The following NUP160 variants were observed in gnomAD, a reference collection of about 807,000 sequenced individuals.
NUP160 encodes the protein nucleoporin 160, also known as nuclear pore complex protein Nup160.
In NUP160, 94 loss-of-function variants were observed where a neutral mutation model predicts 196.9. The ratio of observed to expected loss-of-function variants is 0.48; its 90% CI spans 0.40 to 0.57. NUP160 has a LOEUF of 0.57. Ranked by LOEUF, NUP160 falls within the 20% of genes least tolerant of loss-of-function variation. The probability of loss-of-function intolerance (pLI) is 0.00; values close to 1 mark genes in which losing one functional copy is unlikely to be tolerated. For synonymous variants in NUP160, 605 were observed against 619.7 expected, an observed-to-expected ratio of 0.98 and a Z score of 0.35; for missense variants, 1,638 against 1,748.3, an observed-to-expected ratio of 0.94 and a Z score of 1.13.
At chr11:47,825,491 C>T (rs1317697508) in intron 7 of NUP160, among the ~76,000 whole-genome samples, 6 of 142,772 alleles carry the variant, frequency 4.2e-5, no homozygotes, top group Admixed American at 3.6e-4. Context: ...ATCGCTCTGT[C>T]ACCCAGGCTG....
intron 27 of NUP160, among the ~76,000 whole-genome samples, chr11:47,794,690 T>C (rs562520895): frequency 6.6e-6 from 1 of 151,964 alleles, no homozygotes; most frequent in Admixed American, 6.6e-5. Flanking sequence ...GTGGATCATT[T>C]TGAGGTCAGG....
At chr11:47,819,600 T>C (rs1851816018) in intron 9 of NUP160, 142 bp from the exon 10 acceptor site, 1 of 487,332 alleles carries the variant, frequency 2.1e-6, no homozygotes, top group Non-Finnish European at 3.7e-6. Flanking sequence ...AAACATTTTT[T>C]TTTAAATAAG....
At chr11:47,778,930 G>GC in exon 36 of NUP160, 1 of 530,704 alleles carries the variant, frequency 1.9e-6, no homozygotes, top group Non-Finnish European at 3.4e-6. Context: ...AGCACCACCA[G>GC]CAAGCACAGG....
chr11:47,791,884 C>T (rs10742821), intron 29 of NUP160, 46 bp downstream of exon 29: 1,197,299 of 1,198,242 alleles, frequency 1, 598,181 homozygotes, highest in Middle Eastern at 1. Flanking sequence ...ACAATAACAA[C>T]ATTACTACTG....
chr11:47,780,022 G>A (rs1046845681), intron 35 of NUP160, among the ~76,000 whole-genome samples: 2 of 152,134 alleles, frequency 1.3e-5, no homozygotes, highest in Non-Finnish European at 2.9e-5. Context: ...GAGCCACTGC[G>A]CCCGGCCTAT....
intron 6 of NUP160, among the ~76,000 whole-genome samples, chr11:47,836,052 G>C (rs1162001802): frequency 6.6e-6 from 1 of 152,172 alleles, no homozygotes; most frequent in African/African-American, 2.4e-5. Context: ...TTCGAGACCA[G>C]CCTGGCCAAC....
At chr11:47,819,730 T>C (rs1851817742) in intron 9 of NUP160, among the ~76,000 whole-genome samples, 1 of 152,228 alleles carries the variant, frequency 6.6e-6, no homozygotes, top group Non-Finnish European at 1.5e-5. Context: ...TAATCTTTAA[T>C]GTCATTTTAA....
exon 36 of NUP160, chr11:47,778,134 ATAATG>A (rs1424718771): frequency 6.6e-6 from 1 of 151,214 alleles, no homozygotes; most frequent in African/African-American, 2.4e-5. Context: ...ATTAAAGTAT[ATAATG>A]TAAATATGGT....
At chr11:47,823,140 A>G (rs1288718534) in intron 7 of NUP160, among the ~76,000 whole-genome samples, 36 of 152,212 alleles carry the variant, frequency 2.4e-4, no homozygotes, top group Admixed American at 2.4e-3. Context: ...CCCTGAAAGT[A>G]TAGTCTTCAA....
chr11:47,829,788 C>T (rs976933140), intron 7 of NUP160, among the ~76,000 whole-genome samples: 11 of 152,148 alleles, frequency 7.2e-5, no homozygotes, highest in African/African-American at 2.7e-4. Context: ...ATAGGCAATA[C>T]CATCCTGAAC....
chr11:47,785,764 A>C (rs932533581), intron 32 of NUP160, among the ~76,000 whole-genome samples: 1 of 152,222 alleles, frequency 6.6e-6, no homozygotes, highest in Admixed American at 6.5e-5. Context: ...GTGATTTCTC[A>C]TAATCTGTAT....
At chr11:47,809,477 G>A (rs1299977203) in intron 17 of NUP160, among the ~76,000 whole-genome samples, 2 of 151,698 alleles carry the variant, frequency 1.3e-5, no homozygotes, top group South Asian at 2.1e-4. Context: ...GGCCAGGCAC[G>A]GTGGTTGACA....
chr11:47,778,956 C>A, exon 36 of NUP160: 1 of 606,384 alleles, frequency 1.6e-6, no homozygotes, highest in Non-Finnish European at 3.0e-6. Context: ...CTGACTCTTC[C>A]GCCCTCCTAT....
chr11:47,828,119 T>C (rs1002066296), intron 7 of NUP160, among the ~76,000 whole-genome samples: 3 of 152,176 alleles, frequency 2.0e-5, no homozygotes, highest in African/African-American at 7.2e-5. Context: ...TCTGCCCACC[T>C]TGGCCTCCCA....
chr11:47,800,865 G>A (rs2097673813), intron 23 of NUP160, among the ~76,000 whole-genome samples: 1 of 152,140 alleles, frequency 6.6e-6, no homozygotes, highest in South Asian at 2.1e-4. Context: ...CTGGAAGTGT[G>A]CACAACAGGA....
At chr11:47,788,239 G>A (rs1261813878) in exon 31 of NUP160, 8 of 1,613,448 alleles carry the variant, frequency 5.0e-6, no homozygotes, top group Non-Finnish European at 6.8e-6. Context: ...CTGACAGAGT[G>A]ATATGGCAGT....
chr11:47,798,937 T>G lies in NUP160; in HGVS notation c.2896-474A>C, dbSNP rs1474685431. 2.8e-5 allele frequency among the ~76,000 whole-genome samples: 4 copies of G among 144,678 alleles called. No homozygotes were observed. The East Asian group carries it at 7.9e-4, about 29-fold the overall frequency. The allele number at this position is 144,678 out of a possible 152,430, so 94.9% of individuals were successfully genotyped here. ...CCAACACGGCGAGACCCCATCTCTA[T>G]TATTAAAAAAAAAAAAAAAAAGCAA... On this transcript the variant is annotated intron_variant, in intron 23 of 35. Coordinates refer to ENST00000378460, the Ensembl canonical transcript of NUP160.
chr11:47,780,025 C>T (rs535457064), intron 35 of NUP160, among the ~76,000 whole-genome samples: 10 of 152,310 alleles, frequency 6.6e-5, no homozygotes, highest in Admixed American at 1.3e-4. Flanking sequence ...CCACTGCGCC[C>T]GGCCTATCAT....
At chr11:47,795,997 T>TA (rs2097670673) in intron 27 of NUP160, among the ~76,000 whole-genome samples, 1 of 151,434 alleles carries the variant, frequency 6.6e-6, no homozygotes, top group African/African-American at 2.4e-5. Flanking sequence ...ACTAAAAATA[T>TA]AAAAAAATTA....
Sources: gnomAD v4.1 joint callset for allele counts (sites outside exome capture counted in the v4.1 genomes callset) on GRCh38, gnomAD v4.1.1 for gene constraint, MANE v1.5 for transcripts, NCBI Gene and HGNC (gene_info 2026-07-23, HGNC 2026-07-21) for gene names.